Variants in CDH2 observed in about 807,000 individuals in gnomAD.
CDH2 encodes cadherin-2.
In CDH2, 17 loss-of-function variants were observed where a neutral mutation model predicts 92.0. That is an observed-to-expected ratio of 0.18 (90% CI 0.13 to 0.28). The LOEUF is 0.28. Among genes scored for constraint, CDH2 ranks in the 10% least tolerant of loss-of-function variants. CDH2 has a pLI of 1.00. For missense variants in CDH2, 862 were observed against 1,133.1 expected (o/e 0.76, Z 3.44); for synonymous variants, 419 against 415.9 (o/e 1.01, Z -0.09).
At chr18:28,072,267 A>G (rs1189966037) in intron 2 of CDH2, among the ~76,000 whole-genome samples, 1 of 152,006 alleles carries the variant, frequency 6.6e-6, no homozygotes, top group South Asian at 2.1e-4. Flanking sequence ...GCCCTTTCCT[A>G]ATCACCTACC....
chr18:28,033,487 G>A (rs1441096310), intron 2 of CDH2, among the ~76,000 whole-genome samples: 1 of 152,056 alleles, frequency 6.6e-6, no homozygotes, highest in Admixed American at 6.6e-5. Context: ...CTCTGTGTGT[G>A]TGTGTATGTG....
intron 2 of CDH2, among the ~76,000 whole-genome samples, chr18:28,075,900 TG>T (rs2014709611): frequency 6.6e-6 from 1 of 152,184 alleles, no homozygotes; most frequent in Admixed American, 6.5e-5. Context: ...ACAGAAAGAA[TG>T]GTAATTCTTC....
intron 2 of CDH2, among the ~76,000 whole-genome samples, chr18:28,125,848 TAA>T (rs1200598240): frequency 1.3e-5 from 2 of 152,166 alleles, no homozygotes; most frequent in East Asian, 1.9e-4. Context: ...CAAAATGCGT[TAA>T]GTTTACATTT....
chr18:28,119,275 G>C (rs186357848), intron 2 of CDH2, among the ~76,000 whole-genome samples: 1 of 152,116 alleles, frequency 6.6e-6, no homozygotes, highest in Non-Finnish European at 1.5e-5. Context: ...GCTAGGGCCT[G>C]TGTCCCATTC....
chr18:27,953,379 T>G (rs1325677864), intron 15 of CDH2, among the ~76,000 whole-genome samples: 8 of 152,198 alleles, frequency 5.3e-5, no homozygotes, highest in Non-Finnish European at 1.0e-4. Context: ...ATTTTCTACT[T>G]AATTTTTTCC....
At chr18:28,015,915 C>G (rs886700881) in intron 2 of CDH2, among the ~76,000 whole-genome samples, 2 of 152,192 alleles carry the variant, frequency 1.3e-5, no homozygotes, top group African/African-American at 4.8e-5. Context: ...ACTTACACCA[C>G]TTTCTAAAAC....
chr18:28,013,616 T>C (rs1567964094), intron 3 of CDH2, 67 bp downstream of exon 3: 5 of 1,098,352 alleles, frequency 4.6e-6, no homozygotes, highest in African/African-American at 1.5e-5. Flanking sequence ...AAGCAAAGCA[T>C]ATATTTAGTT....
At chr18:28,036,356 C>A in intron 2 of CDH2, 1 of 674,734 alleles carries the variant, frequency 1.5e-6, no homozygotes, top group South Asian at 1.7e-5. Flanking sequence ...CATTAAATTC[C>A]TTGTTTAAAA....
At chr18:28,012,078 T>A in intron 3 of CDH2, 86 bp from the exon 4 acceptor site, 1 of 1,127,132 alleles carries the variant, frequency 8.9e-7, no homozygotes, top group Non-Finnish European at 1.3e-6. Flanking sequence ...CCTGAAAGCA[T>A]AGGAATCACA....
intron 15 of CDH2, chr18:27,954,641 C>T (rs138860305): frequency 6.6e-6 from 1 of 152,216 alleles, no homozygotes; most frequent in East Asian, 1.9e-4. Flanking sequence ...AGAAGTAAAC[C>T]TTCATTATTA....
intron 1 of CDH2, among the ~76,000 whole-genome samples, chr18:28,156,884 T>C (rs942478297): frequency 1.1e-4 from 16 of 152,052 alleles, no homozygotes; most frequent in Non-Finnish European, 2.1e-4. Flanking sequence ...CTTAGGACAA[T>C]ATGAAAACAT....
exon 7 of CDH2, among the ~76,000 whole-genome samples, chr18:27,933,019 G>T (rs903715583): frequency 6.6e-6 from 1 of 152,090 alleles, no homozygotes; most frequent in African/African-American, 2.4e-5. Flanking sequence ...ATGTAATGTG[G>T]TTCATACTCA....
chr18:28,011,602 T>C (rs916133741), intron 4 of CDH2, among the ~76,000 whole-genome samples: 3 of 152,174 alleles, frequency 2.0e-5, no homozygotes, highest in Non-Finnish European at 4.4e-5. Context: ...AGTCACAAAC[T>C]GAACAAGCTT....
At chr18:28,060,008 G>A (rs1471201803) in intron 2 of CDH2, among the ~76,000 whole-genome samples, 5 of 151,922 alleles carry the variant, frequency 3.3e-5, no homozygotes, top group Non-Finnish European at 7.4e-5. Flanking sequence ...TTACTTAGAA[G>A]CTGGCACATC....
chr18:27,959,549 T>C (rs2011342815), intron 15 of CDH2: 1 of 152,234 alleles, frequency 6.6e-6, no homozygotes, highest in African/African-American at 2.4e-5. Flanking sequence ...TACAAGTAAG[T>C]ATTCATTTTT....
chr18:28,024,577 A>G (rs2013500162), intron 2 of CDH2, among the ~76,000 whole-genome samples: 1 of 151,430 alleles, frequency 6.6e-6, no homozygotes, highest in Admixed American at 6.6e-5. Flanking sequence ...AATTTAATTT[A>G]GTAATTAAAA....
At position 28,013,721 on chromosome 18, in the gene CDH2, A is replaced by G. The variant is rs774674445; in HGVS notation, c.361T>C (p.Leu121=). 2.5e-6 allele frequency: 4 copies of G among 1,613,798 alleles called. No individual in the cohort carries two copies. The highest frequency in any genetic ancestry group is 2.2e-5 in the East Asian group (1 of 44,872). ...TCAGTTAAGGTTGGCTTCAGGCTCAATTTTACTGCCACTTGCCACTTTTCC... is the reference window on the plus strand; with the variant it reads ...TCAGTTAAGGTTGGCTTCAGGCTCAGTTTTACTGCCACTTGCCACTTTTCC... The part of the protein sequence containing the change: ...TQEKWQVAVK[L]SLKPTLTEES... Residue 121 remains leucine, a synonymous_variant, in exon 3 of 16, where the codon TTG becomes CTG. Transcript: ENST00000269141.
At chr18:28,076,427 C>A (rs1008204314) in intron 2 of CDH2, among the ~76,000 whole-genome samples, 2 of 151,964 alleles carry the variant, frequency 1.3e-5, no homozygotes, top group Non-Finnish European at 2.9e-5. Flanking sequence ...ATAATATATG[C>A]CCCTTATAAT....
chr18:28,104,606 CATGATTAAT>C (rs1470461975), intron 2 of CDH2, among the ~76,000 whole-genome samples: 2 of 151,156 alleles, frequency 1.3e-5, no homozygotes, highest in Non-Finnish European at 3.0e-5. Flanking sequence ...TCTTCATTCT[CATGATTAAT>C]TCACAAACAG....
Sources: allele counts gnomAD v4.1 joint callset (sites outside exome capture counted in the v4.1 genomes callset), GRCh38; gene constraint gnomAD v4.1.1; transcripts MANE v1.5; gene names NCBI Gene and HGNC (gene_info 2026-07-23, HGNC 2026-07-21).